Variants in HTR2C observed in about 807,000 individuals in gnomAD.
HTR2C encodes the protein 5-hydroxytryptamine (serotonin) receptor 2C, G protein-coupled.
A neutral mutation model predicts 21.0 loss-of-function variants in HTR2C; 5 were observed. That is an observed-to-expected ratio of 0.24 (90% CI 0.12 to 0.50). The LOEUF (loss-of-function observed/expected upper bound fraction) is 0.50. Ranked by LOEUF, HTR2C falls within the 20% of genes least tolerant of loss-of-function variation. The probability of loss-of-function intolerance (pLI) is 0.98; values close to 1 mark genes in which losing one functional copy is unlikely to be tolerated. For synonymous variants in HTR2C, 150 were observed against 145.3 expected (o/e 1.03, Z -0.23); for missense variants, 271 against 371.2 (o/e 0.73, Z 2.22).
intron 4 of HTR2C, among the ~76,000 whole-genome samples, chrX:114,785,796 C>T (rs782083804): frequency 1.5e-3 from 166 of 111,828 alleles, no homozygotes; most frequent in Non-Finnish European, 2.6e-3. Flanking sequence ...AACTTTGGTT[C>T]ATCAGAAAAC....
chrX:114,726,284 GC>G (rs782204049), intron 2 of HTR2C, among the ~76,000 whole-genome samples: 9 of 112,520 alleles, frequency 8.0e-5, no homozygotes, highest in Middle Eastern at 4.6e-3. Context: ...TTTTCCAGGT[GC>G]CGTCTGTCAC....
chrX:114,702,317 C>T (rs1217104169), intron 2 of HTR2C, among the ~76,000 whole-genome samples: 2 of 109,138 alleles, frequency 1.8e-5, no homozygotes, highest in South Asian at 4.1e-4. Context: ...AGAGAAAGGT[C>T]GGGTTACCCA....
At chrX:114,704,968 G>T (rs6642456) in intron 2 of HTR2C, among the ~76,000 whole-genome samples, 2 of 107,333 alleles carry the variant, frequency 1.9e-5, no homozygotes, top group East Asian at 5.8e-4. Flanking sequence ...TTGCTTCAAA[G>T]AGAATAAAAT....
chrX:114,813,679 G>A (rs950484436), intron 4 of HTR2C, among the ~76,000 whole-genome samples: 3 of 110,964 alleles, frequency 2.7e-5, no homozygotes, highest in Non-Finnish European at 3.8e-5. Context: ...TAAACAGCCC[G>A]GCCACAGAGG....
At chrX:114,849,707 A>G (rs1197538165) in intron 5 of HTR2C, among the ~76,000 whole-genome samples, 1 of 112,309 alleles carries the variant, frequency 8.9e-6, no homozygotes, top group East Asian at 2.8e-4. Context: ...GGTTCAAGTC[A>G]TCTATGTAAA....
chrX:114,616,486 C>T (rs1928953485), intron 2 of HTR2C, among the ~76,000 whole-genome samples: 1 of 110,488 alleles, frequency 9.1e-6, no homozygotes, highest in African/African-American at 3.3e-5. Flanking sequence ...AGGGTTTCAC[C>T]ATGTTGGTCA....
intron 1 of HTR2C, among the ~76,000 whole-genome samples, chrX:114,605,283 T>C (rs1447955399): frequency 5.5e-5 from 6 of 108,778 alleles, no homozygotes; most frequent in African/African-American, 2.1e-4. Flanking sequence ...GGAGGGGAGG[T>C]GATAAAAAGA....
chrX:114,643,097 C>A (rs781908673), intron 2 of HTR2C, among the ~76,000 whole-genome samples: 1 of 111,214 alleles, frequency 9.0e-6, no homozygotes, highest in African/African-American at 3.3e-5. Context: ...TAAATGTGAA[C>A]TTTGTGATAT....
In HTR2C at chrX:114,731,609, T is replaced by C. The variant is rs782129965; in HGVS notation, c.349+2T>C. ...TGTCTCTCCTGGCAATCCTTTATGG[T>C]AAGTACAATTTTATTCACTTTTCAA... On this transcript the variant is annotated splice_donor_variant, in intron 4 of 5. Coordinates refer to ENST00000276198, the MANE Select transcript of HTR2C (RefSeq NM_000868.4). LOFTEE classifies it high-confidence loss of function. The C allele has an allele frequency of 1.7e-6, 2 of 1,153,083 alleles. No homozygotes were observed. Among genetic ancestry groups the C allele is most frequent in the Admixed American group, 4.6e-5 (2 of 43,862 alleles).
intron 2 of HTR2C, among the ~76,000 whole-genome samples, chrX:114,632,305 C>CT (rs1929661040): frequency 9.0e-6 from 1 of 111,513 alleles, no homozygotes; most frequent in African/African-American, 3.3e-5. Context: ...GTAAACTTGC[C>CT]TTCCTAGGAA....
At chrX:114,687,926 C>A (rs1931971765) in intron 2 of HTR2C, among the ~76,000 whole-genome samples, 1 of 111,902 alleles carries the variant, frequency 8.9e-6, no homozygotes, top group Non-Finnish European at 1.9e-5. Flanking sequence ...AATGTTGAAA[C>A]TTTCCTTAAG....
chrX:114,623,017 TA>T (rs1324079677), intron 2 of HTR2C, among the ~76,000 whole-genome samples: 7 of 110,788 alleles, frequency 6.3e-5, no homozygotes, highest in East Asian at 2.9e-4. Context: ...TAATAGGGTT[TA>T]AAAAAAAATT....
At chrX:114,741,392 G>A (rs782687235) in intron 4 of HTR2C, among the ~76,000 whole-genome samples, 2 of 104,220 alleles carry the variant, frequency 1.9e-5, no homozygotes, top group African/African-American at 6.9e-5. Context: ...GGTGACACAC[G>A]CCTGTAGTCC....
At chrX:114,760,736 T>C (rs782286513) in intron 4 of HTR2C, among the ~76,000 whole-genome samples, 7 of 111,170 alleles carry the variant, frequency 6.3e-5, no homozygotes, top group Non-Finnish European at 1.1e-4. Flanking sequence ...TTGCCCAGGC[T>C]GGTCTCTAAG....
intron 1 of HTR2C, among the ~76,000 whole-genome samples, chrX:114,590,955 A>T (rs1927603539): frequency 1.8e-5 from 2 of 112,120 alleles, no homozygotes; most frequent in African/African-American, 6.5e-5. Flanking sequence ...TTAAAATAGC[A>T]ATTCCTAAAT....
At chrX:114,661,299 C>T (rs190068614) in intron 2 of HTR2C, among the ~76,000 whole-genome samples, 84 of 110,316 alleles carry the variant, frequency 7.6e-4, no homozygotes, top group African/African-American at 2.6e-3. Flanking sequence ...CTAAAAATAC[C>T]GCCGTGGTGG....
At chrX:114,804,640 C>T (rs1032868328) in intron 4 of HTR2C, among the ~76,000 whole-genome samples, 5 of 111,823 alleles carry the variant, frequency 4.5e-5, no homozygotes, top group Non-Finnish European at 9.4e-5. Context: ...GAATGCTGAA[C>T]AATTATCAGT....
At chrX:114,692,135 T>C (rs950363827) in intron 2 of HTR2C, among the ~76,000 whole-genome samples, 1 of 111,849 alleles carries the variant, frequency 8.9e-6, no homozygotes, top group Non-Finnish European at 1.9e-5. Flanking sequence ...TGCTCATCTC[T>C]AAAATGTGAT....
intron 5 of HTR2C, among the ~76,000 whole-genome samples, chrX:114,888,177 GTTAA>G (rs1437267649): frequency 1.3e-4 from 14 of 111,126 alleles, no homozygotes; most frequent in Non-Finnish European, 2.3e-4. Context: ...CCAACTTTTA[GTTAA>G]TTGACTTTCC....
Sources: gnomAD v4.1 joint callset for allele counts (sites outside exome capture counted in the v4.1 genomes callset) on GRCh38, gnomAD v4.1.1 for gene constraint, MANE v1.5 for transcripts, NCBI Gene and HGNC (gene_info 2026-07-23, HGNC 2026-07-21) for gene names.